The following RPL34 variants were observed in gnomAD, a reference collection of about 807,000 sequenced individuals.
RPL34 encodes the protein large ribosomal subunit protein eL34.
A neutral mutation model predicts 16.3 loss-of-function variants in RPL34; 2 were observed. The ratio of observed to expected loss-of-function variants is 0.12; its 90% CI spans 0.05 to 0.39. The LOEUF (loss-of-function observed/expected upper bound fraction) is 0.39. Ranked by LOEUF, RPL34 falls within the 10% of genes least tolerant of loss-of-function variation. RPL34 has a pLI of 0.99. For missense variants in RPL34, 82 were observed against 148.8 expected (o/e 0.55, Z 2.33); for synonymous variants, 47 against 48.5 (o/e 0.97, Z 0.13).
downstream of RPL34, among the ~76,000 whole-genome samples, chr4:108,628,434 A>C (rs1726083472): frequency 6.6e-6 from 1 of 151,678 alleles, no homozygotes. Flanking sequence ...CTTAAAACTT[A>C]AACTAATTGG....
downstream of RPL34, among the ~76,000 whole-genome samples, chr4:108,625,756 C>G (rs1208107687): frequency 6.6e-6 from 1 of 152,148 alleles, no homozygotes; most frequent in African/African-American, 2.4e-5. Flanking sequence ...ACAGCTCTAC[C>G]GCTGCATTGG....
chr4:108,625,475 T>C, downstream of RPL34: 1 of 295,408 alleles, frequency 3.4e-6, no homozygotes, highest in South Asian at 4.6e-5. Context: ...ACCCTCTGCC[T>C]TCCAGGTTCA....
chr4:108,626,485 C>T (rs1330007058), downstream of RPL34, among the ~76,000 whole-genome samples: 1 of 136,006 alleles, frequency 7.4e-6, no homozygotes, highest in Non-Finnish European at 1.5e-5. Context: ...GAGCCTTGCT[C>T]TTGCCCAGGC....
intron 4 of RPL34, among the ~76,000 whole-genome samples, 180 bp from the exon 5 acceptor site, chr4:108,624,948 G>T (rs1725944956): frequency 6.6e-6 from 1 of 151,936 alleles, no homozygotes; most frequent in African/African-American, 2.4e-5. Context: ...TGAAATTGAA[G>T]GATTATCCTG....
At chr4:108,622,883 G>A (rs1725843478) in intron 4 of RPL34, 1 of 341,928 alleles carries the variant, frequency 2.9e-6, no homozygotes, top group Non-Finnish European at 5.3e-6. Flanking sequence ...TTAGTGGTTT[G>A]GACAAAGATA....
At chr4:108,628,771 TG>T (rs1367852299), downstream of RPL34, among the ~76,000 whole-genome samples, 1 of 152,248 alleles carries the variant, frequency 6.6e-6, no homozygotes, top group Non-Finnish European at 1.5e-5. Flanking sequence ...GTAGACTATT[TG>T]GAAAGTTTGG....
rs751324295 is a variant in RPL34 at position 108,625,264 on chromosome 4, CTTTTT to C, written c.*59_*63del. ...AAATGAAAAGACGCTGTATGTATGA[CTTTTT>C]TTTTTTCTGTTGTAATGTGTTAGTA... On this transcript the variant is annotated 3_prime_UTR_variant, in exon 5 of 5. Transcript: ENST00000394667. 3.0e-5 allele frequency: 26 copies of C among 865,634 alleles called. No homozygotes were observed. The highest frequency in any genetic ancestry group is 2.7e-4 in the Admixed American group (10 of 36,642). The allele number at this position is 865,634 out of a possible 1,614,324, so 53.6% of individuals were successfully genotyped here.
At position 108,620,582 on chromosome 4, in the gene RPL34, C is replaced by T. The variant is rs892302357; in HGVS notation, c.-28C>T. On this transcript the variant is annotated 5_prime_UTR_variant, in exon 1 of 5. Coordinates refer to ENST00000394667, the MANE Select transcript of RPL34 (RefSeq NM_001319236.2). ...TGGCAAAGGCTTTTTTCTTCCTCTTCCGGGGACGTTGTCTGCAGGTATGGA... is the reference window on the plus strand; with the variant it reads ...TGGCAAAGGCTTTTTTCTTCCTCTTTCGGGGACGTTGTCTGCAGGTATGGA... 3.8e-5 allele frequency: 12 copies of T among 318,096 alleles called. 1 individual carries two copies. Among genetic ancestry groups the T allele is most frequent in the African/African-American group, 1.9e-4 (9 of 46,168 alleles). The allele number at this position is 318,096 out of a possible 1,614,324, so 19.7% of individuals were successfully genotyped here. A position where few individuals can be genotyped will look rare whatever the true frequency, so the allele number is the denominator to read the frequency against.
chr4:108,630,148 G>A (rs1428406695), downstream of RPL34: 1 of 152,092 alleles, frequency 6.6e-6, no homozygotes, highest in Non-Finnish European at 1.5e-5. Context: ...TATGGTGAGA[G>A]TATTTACACC....
At chr4:108,626,488 G>T (rs1049365301), downstream of RPL34, among the ~76,000 whole-genome samples, 1 of 116,654 alleles carries the variant, frequency 8.6e-6, no homozygotes, top group African/African-American at 3.3e-5. Context: ...CCTTGCTCTT[G>T]CCCAGGCTGG....
At position 108,622,627 on chromosome 4, in the gene RPL34, A is replaced by T. The variant is rs769261693; in HGVS notation, c.269+9A>T. 3 of 1,532,934 alleles carry T rather than the reference A, an allele frequency of 2.0e-6. No individual in the cohort carries two copies. The highest frequency in any genetic ancestry group is 4.5e-5 in the East Asian group (2 of 44,450). 95.0% of individuals were successfully genotyped at this position (1,532,934 alleles called of 1,614,324 possible). A position where few individuals can be genotyped will look rare whatever the true frequency, so the allele number is the denominator to read the frequency against. On this transcript the variant is annotated intron_variant, in intron 4 of 4. Transcript: ENST00000394667. ...AAATGTGTTCGTGACAGGTAAGTTA[A>T]ATGCTTAAATGGGCTTTCCTTAGCA...
downstream of RPL34, among the ~76,000 whole-genome samples, chr4:108,627,056 G>A (rs747051129): frequency 2.0e-5 from 3 of 151,986 alleles, no homozygotes; most frequent in Non-Finnish European, 4.4e-5. Flanking sequence ...TGTCTAGCAC[G>A]GTGAAACCCC....
At chr4:108,625,455 G>A (rs1018245724), downstream of RPL34, 5 of 358,288 alleles carry the variant, frequency 1.4e-5, no homozygotes, top group Admixed American at 4.2e-5. Context: ...GCAGGATCTC[G>A]GCTCACCGCA....
intron 1 of RPL34, chr4:108,621,609 T>A (rs1219443862): frequency 3.8e-6 from 1 of 264,150 alleles, no homozygotes; most frequent in Non-Finnish European, 7.5e-6. Context: ...CAGAGCTCAC[T>A]TTTTGTGCTC....
chr4:108,625,934 CTT>C (rs968750937), downstream of RPL34, among the ~76,000 whole-genome samples: 6 of 152,038 alleles, frequency 3.9e-5, no homozygotes, highest in Admixed American at 3.9e-4. Flanking sequence ...GGAATGGAAC[CTT>C]TTTAAGATTG....
At chr4:108,625,626 T>A (rs1725973922), downstream of RPL34, 1 of 157,656 alleles carries the variant, frequency 6.3e-6, no homozygotes, top group South Asian at 1.8e-4. Context: ...CCTCAGGTGA[T>A]CTGCCCACCT....
chr4:108,630,348 T>G (rs1726134130), downstream of RPL34: 1 of 152,202 alleles, frequency 6.6e-6, no homozygotes, highest in Non-Finnish European at 1.5e-5. Context: ...TACTTATTAA[T>G]ACTTCGATTC....
chr4:108,625,475 T>G (rs1725969523), downstream of RPL34: 1 of 295,408 alleles, frequency 3.4e-6, no homozygotes, highest in African/African-American at 2.2e-5. Context: ...ACCCTCTGCC[T>G]TCCAGGTTCA....
intron 4 of RPL34, among the ~76,000 whole-genome samples, chr4:108,623,791 G>A (rs1303243777): frequency 6.6e-6 from 1 of 152,118 alleles, no homozygotes; most frequent in Non-Finnish European, 1.5e-5. Context: ...GAGAACAGTA[G>A]GAGATACTAC....
Sources: gnomAD v4.1 joint callset for allele counts (sites outside exome capture counted in the v4.1 genomes callset) on GRCh38, gnomAD v4.1.1 for gene constraint, MANE v1.5 for transcripts, NCBI Gene and HGNC (gene_info 2026-07-23, HGNC 2026-07-21) for gene names.